The following ZNF600 variants were observed in gnomAD, a reference collection of about 807,000 sequenced individuals.
ZNF600 encodes zinc finger protein KR-ZNF1.
A neutral mutation model predicts 7.3 loss-of-function variants in ZNF600; 4 were observed. The ratio of observed to expected loss-of-function variants is 0.55; its 90% CI spans 0.27 to 1.25. The LOEUF (loss-of-function observed/expected upper bound fraction) is 1.25. Among genes scored for constraint, ZNF600 ranks in the 50% most tolerant of loss-of-function variants. ZNF600 has a pLI of 0.12. For synonymous variants in ZNF600, 290 were observed against 308.9 expected (o/e 0.94, Z 0.64); for missense variants, 911 against 922.1 (o/e 0.99, Z 0.16).
At chr19:52,799,732 T>C in the ZNF600 span, 2 of 1,612,832 alleles carry the variant, frequency 1.2e-6, no homozygotes, top group East Asian at 4.5e-5. Context: ...TATACAAGGT[T>C]TGACATCTGA....
chr19:52,769,046 C>T (rs2062611355), intron 3 of ZNF600, among the ~76,000 whole-genome samples: 1 of 152,198 alleles, frequency 6.6e-6, no homozygotes, highest in Non-Finnish European at 1.5e-5. Context: ...CACCAGAGGA[C>T]TCCTTGGTCT....
the ZNF600 span, chr19:52,800,494 G>A: frequency 2.5e-6 from 4 of 1,612,042 alleles, no homozygotes; most frequent in African/African-American, 1.3e-5. Context: ...AGAGTTGATT[G>A]TTGATTAAAA....
the ZNF600 span, chr19:52,798,458 T>C: frequency 4.5e-6 from 2 of 446,830 alleles, no homozygotes; most frequent in Non-Finnish European, 8.9e-6. Flanking sequence ...CAAAAGGAAT[T>C]GTCTGATGGT....
chr19:52,829,182 T>TA, the ZNF600 span, among the ~76,000 whole-genome samples: 19 of 44,038 alleles, frequency 4.3e-4, 1 homozygote, highest in African/African-American at 6.0e-4. Flanking sequence ...ATTTTTTTCT[T>TA]TTTTTATTTT....
At chr19:52,801,143 C>T in the ZNF600 span, 8 of 1,613,884 alleles carry the variant, frequency 5.0e-6, no homozygotes, top group Non-Finnish European at 5.9e-6. Context: ...AGTGGGTTAT[C>T]TGATGTTTTT....
exon 4 of ZNF600, chr19:52,765,209 A>C (rs538621917): frequency 7.0e-5 from 36 of 516,578 alleles, no homozygotes; most frequent in African/African-American, 6.0e-4. Context: ...GATGTTCTGC[A>C]AGGAGTGACC....
At chr19:52,800,554 T>C in the ZNF600 span, 12 of 1,613,540 alleles carry the variant, frequency 7.4e-6, no homozygotes, top group South Asian at 1.1e-5. Context: ...GTGTGAATTA[T>C]ACTATGTTTT....
the ZNF600 span, among the ~76,000 whole-genome samples, chr19:52,828,505 C>T: frequency 6.6e-6 from 1 of 152,072 alleles, no homozygotes; most frequent in South Asian, 2.1e-4. Context: ...TGTCAGAGGG[C>T]TCAATTACGA....
At chr19:52,790,064 C>T (rs1049958053), upstream of ZNF600, among the ~76,000 whole-genome samples, 1 of 152,096 alleles carries the variant, frequency 6.6e-6, no homozygotes, top group African/African-American at 2.4e-5. Context: ...AGGCAAGGAC[C>T]GGCCATTTAC....
the ZNF600 span, among the ~76,000 whole-genome samples, chr19:52,829,771 C>A: frequency 1.3e-5 from 2 of 152,044 alleles, no homozygotes; most frequent in African/African-American, 4.8e-5. Flanking sequence ...CTCAGCCTCC[C>A]AAAGTGCTGG....
chr19:52,830,954 T>C, the ZNF600 span, among the ~76,000 whole-genome samples: 3 of 144,816 alleles, frequency 2.1e-5, no homozygotes, highest in Non-Finnish European at 4.5e-5. Flanking sequence ...TGGTAAAACA[T>C]TGACCCAAGC....
chr19:52,799,014 A>AGG, the ZNF600 span: 2 of 777,472 alleles, frequency 2.6e-6, no homozygotes, highest in South Asian at 1.7e-5. Flanking sequence ...CAAACCTTAC[A>AGG]TTTGTATGTT....
intron 2 of ZNF600, among the ~76,000 whole-genome samples, chr19:52,776,780 G>A (rs1007827444): frequency 4.6e-5 from 7 of 152,094 alleles, no homozygotes; most frequent in African/African-American, 7.2e-5. Context: ...TATTGCAAAT[G>A]TTGTGTTTTC....
chr19:52,826,152 T>G, the ZNF600 span, among the ~76,000 whole-genome samples: 1 of 152,166 alleles, frequency 6.6e-6, no homozygotes, highest in Non-Finnish European at 1.5e-5. Flanking sequence ...CGGGAGTGGT[T>G]GCTCAACGCC....
chr19:52,800,022 T>C, the ZNF600 span: 2 of 1,614,066 alleles, frequency 1.2e-6, no homozygotes, highest in Non-Finnish European at 1.7e-6. Context: ...CTCATTACAC[T>C]TGTAAGGTTT....
At chr19:52,810,289 A>T in the ZNF600 span, 1 of 1,489,548 alleles carries the variant, frequency 6.7e-7, no homozygotes, top group Non-Finnish European at 9.4e-7. Flanking sequence ...ATTGAGGAGA[A>T]GATGGAGGCT....
At chr19:52,823,313 A>G in the ZNF600 span, among the ~76,000 whole-genome samples, 3 of 152,110 alleles carry the variant, frequency 2.0e-5, no homozygotes, top group African/African-American at 4.8e-5. Flanking sequence ...TCCCGGGTTC[A>G]AGCAGCTCTC....
At chr19:52,782,044 G>T (rs1600397563) in intron 1 of ZNF600, among the ~76,000 whole-genome samples, 1 of 151,960 alleles carries the variant, frequency 6.6e-6, no homozygotes, top group South Asian at 2.1e-4. Context: ...CTGGGTGACA[G>T]AGAGTCTCAA....
At chr19:52,831,846 G>T in the ZNF600 span, among the ~76,000 whole-genome samples, 1 of 151,816 alleles carries the variant, frequency 6.6e-6, no homozygotes, top group Non-Finnish European at 1.5e-5. Flanking sequence ...CCCCATTTTG[G>T]TCAGGCTGGT....
Sources: allele counts gnomAD v4.1 joint callset (sites outside exome capture counted in the v4.1 genomes callset), GRCh38; gene constraint gnomAD v4.1.1; transcripts MANE v1.5; gene names NCBI Gene and HGNC (gene_info 2026-07-23, HGNC 2026-07-21).